KHDRBS2: variants seen among roughly 807,000 people sequenced by gnomAD.
KHDRBS2 encodes the protein KH RNA binding domain containing, signal transduction associated 2.
KHDRBS2 carries 26 observed loss-of-function variants against 44.3 expected under a neutral mutation model. The observed-to-expected ratio is 0.59, with a 90% CI of 0.43 to 0.81. The LOEUF (loss-of-function observed/expected upper bound fraction) is 0.81. Among genes scored for constraint, KHDRBS2 ranks in the 40% least tolerant of loss-of-function variants. The pLI, the probability that KHDRBS2 is intolerant of heterozygous loss-of-function variation, is 0.00. For synonymous variants in KHDRBS2, 194 were observed against 151.1 expected (o/e 1.28, Z -2.08); for missense variants, 476 against 433.1 (o/e 1.10, Z -0.88).
At chr6:61,821,219 C>A (rs991175705) in intron 6 of KHDRBS2, among the ~76,000 whole-genome samples, 11 of 151,974 alleles carry the variant, frequency 7.2e-5, no homozygotes, top group African/African-American at 2.4e-4. Flanking sequence ...AGCTTGTGGA[C>A]CACCTCTGTT....
intron 2 of KHDRBS2, among the ~76,000 whole-genome samples, chr6:62,068,997 A>G (rs832226): frequency 0.17 from 26,075 of 151,358 alleles, 2,612 homozygotes; most frequent in African/African-American, 0.27. Flanking sequence ...TTAAAATTTC[A>G]TGATTGGCTT....
At chr6:62,033,407 G>C (rs1784700033) in intron 3 of KHDRBS2, among the ~76,000 whole-genome samples, 3 of 151,718 alleles carry the variant, frequency 2.0e-5, no homozygotes, top group African/African-American at 7.3e-5. Context: ...CTACCTGAAG[G>C]CATTTAATAA....
At chr6:61,862,680 T>C (rs1797162272) in intron 6 of KHDRBS2, among the ~76,000 whole-genome samples, 1 of 152,154 alleles carries the variant, frequency 6.6e-6, no homozygotes, top group African/African-American at 2.4e-5. Flanking sequence ...TACTTGATCA[T>C]GGTAAATAAG....
intron 2 of KHDRBS2, among the ~76,000 whole-genome samples, chr6:62,136,260 C>A (rs1184981365): frequency 2.0e-5 from 3 of 152,110 alleles, no homozygotes; most frequent in Non-Finnish European, 2.9e-5. Context: ...GGAATTTGGT[C>A]CACAGGCCAC....
chr6:61,922,242 G>A (rs141653086), intron 4 of KHDRBS2, among the ~76,000 whole-genome samples: 403 of 152,106 alleles, frequency 2.6e-3, no homozygotes, highest in African/African-American at 9.1e-3. Context: ...CAAAGCAATG[G>A]ACATCAGGCA....
At chr6:61,816,652 T>C (rs1306913109) in intron 6 of KHDRBS2, 2 of 448,680 alleles carry the variant, frequency 4.5e-6, no homozygotes, top group Admixed American at 4.8e-5. Context: ...ATGAAACAAA[T>C]ACAAGCGTTA....
intron 6 of KHDRBS2, among the ~76,000 whole-genome samples, chr6:61,809,554 T>C (rs576367564): frequency 6.6e-6 from 1 of 152,276 alleles, no homozygotes; most frequent in South Asian, 2.1e-4. Flanking sequence ...TGAGCTGATG[T>C]CAAATCAATA....
In KHDRBS2 at chr6:62,285,854, C is replaced by T. The variant is rs766428642; in HGVS notation, c.91+4G>A. 2.5e-6 allele frequency: 4 copies of T among 1,610,352 alleles called. No individual in the cohort carries two copies. Among genetic ancestry groups the T allele is most frequent in the East Asian group, 2.2e-5 (1 of 44,632 alleles). On this transcript the variant is annotated splice_donor_region_variant and intron_variant, in intron 1 of 8. Transcript: ENST00000281156. ...TTGTGCCCATCTGTGGGGGCAAGTCCTACCTTCTGCCAAAAGGCGCGACGC... is the reference window on the plus strand; with the variant it reads ...TTGTGCCCATCTGTGGGGGCAAGTCTTACCTTCTGCCAAAAGGCGCGACGC...
intron 4 of KHDRBS2, among the ~76,000 whole-genome samples, chr6:61,939,161 G>T (rs1051093562): frequency 7.9e-5 from 12 of 152,152 alleles, no homozygotes; most frequent in African/African-American, 2.4e-4. Flanking sequence ...TAATTATGCT[G>T]AAGTTGTGAA....
intron 1 of KHDRBS2, 68 bp downstream of exon 1, chr6:62,285,790 C>G: frequency 1.8e-6 from 2 of 1,102,888 alleles, no homozygotes; most frequent in Non-Finnish European, 2.7e-6. Context: ...CAACTTCACT[C>G]CCCTAATCAA....
At chr6:61,983,177 T>C (rs963063105) in intron 3 of KHDRBS2, among the ~76,000 whole-genome samples, 1 of 130,836 alleles carries the variant, frequency 7.6e-6, no homozygotes, top group African/African-American at 2.9e-5. Flanking sequence ...TCAGGCAATT[T>C]TGAGTAATTA....
At chr6:62,069,070 A>T (rs1453651446) in intron 2 of KHDRBS2, among the ~76,000 whole-genome samples, 2 of 151,618 alleles carry the variant, frequency 1.3e-5, no homozygotes, top group Non-Finnish European at 1.5e-5. Flanking sequence ...TTGTCATCTT[A>T]GCAATAGAGT....
At chr6:62,034,387 A>G (rs1187535938) in intron 3 of KHDRBS2, among the ~76,000 whole-genome samples, 2 of 151,934 alleles carry the variant, frequency 1.3e-5, no homozygotes, top group Admixed American at 6.6e-5. Context: ...CCACAGGATA[A>G]TATCTCTGAT....
At chr6:62,247,096 T>A (rs1835705640) in intron 1 of KHDRBS2, among the ~76,000 whole-genome samples, 1 of 151,986 alleles carries the variant, frequency 6.6e-6, no homozygotes, top group Admixed American at 6.6e-5. Flanking sequence ...ATAGTAACTC[T>A]TTGGTCTCAC....
intron 6 of KHDRBS2, among the ~76,000 whole-genome samples, chr6:61,841,316 T>C (rs1234832258): frequency 6.6e-6 from 1 of 152,168 alleles, no homozygotes; most frequent in Non-Finnish European, 1.5e-5. Context: ...TTTCCTAGAA[T>C]TGTGCTTTCC....
At chr6:62,037,167 G>A (rs894647537) in intron 3 of KHDRBS2, among the ~76,000 whole-genome samples, 1 of 151,758 alleles carries the variant, frequency 6.6e-6, no homozygotes, top group African/African-American at 2.4e-5. Context: ...AATAAAATGT[G>A]GATAAGACTT....
chr6:61,732,836 A>G, intron 6 of KHDRBS2, 72 bp from the exon 7 acceptor site: 1 of 806,900 alleles, frequency 1.2e-6, no homozygotes, highest in Non-Finnish European at 2.2e-6. Flanking sequence ...AGTTAGCACA[A>G]TTTTATACAA....
intron 2 of KHDRBS2, among the ~76,000 whole-genome samples, chr6:62,090,909 C>T (rs1314320089): frequency 6.6e-6 from 1 of 152,134 alleles, no homozygotes; most frequent in African/African-American, 2.4e-5. Context: ...TATGGACCAA[C>T]AAGCAGCTTA....
intron 6 of KHDRBS2, among the ~76,000 whole-genome samples, chr6:61,743,970 TA>T (rs1776524903): frequency 1.3e-5 from 2 of 152,192 alleles, no homozygotes; most frequent in Middle Eastern, 3.4e-3. Flanking sequence ...CACCATTTTT[TA>T]TGGCTGCATA....
Sources: gnomAD v4.1 joint callset for allele counts (sites outside exome capture counted in the v4.1 genomes callset) on GRCh38, gnomAD v4.1.1 for gene constraint, MANE v1.5 for transcripts, NCBI Gene and HGNC (gene_info 2026-07-23, HGNC 2026-07-21) for gene names.